The following CLASP1 variants were observed in gnomAD, a reference collection of about 807,000 sequenced individuals.
CLASP1 encodes the protein cytoplasmic linker associated protein 1.
In CLASP1, 38 loss-of-function variants were observed where a neutral mutation model predicts 192.3. That is an observed-to-expected ratio of 0.20 (90% CI 0.15 to 0.26). The LOEUF is 0.26. Ranked by LOEUF, CLASP1 falls within the 10% of genes least tolerant of loss-of-function variation. The pLI is 1.00. For missense variants in CLASP1, 1,433 were observed against 1,932.5 expected (o/e 0.74, Z 4.85); for synonymous variants, 691 against 712.8 (o/e 0.97, Z 0.49).
At chr2:121,360,127 G>A (rs1168966055) in intron 37 of CLASP1, among the ~76,000 whole-genome samples, 1 of 152,192 alleles carries the variant, frequency 6.6e-6, no homozygotes, top group African/African-American at 2.4e-5. Flanking sequence ...GTGTGGTAAC[G>A]TCACGCTGGC....
chr2:121,543,976 A>C (rs1364920566), intron 2 of CLASP1, among the ~76,000 whole-genome samples: 1 of 152,250 alleles, frequency 6.6e-6, no homozygotes, highest in Non-Finnish European at 1.5e-5. Flanking sequence ...CCTACTTTGC[A>C]GATAAGGAAA....
chr2:121,621,533 G>A (rs1229578072), intron 1 of CLASP1, among the ~76,000 whole-genome samples: 1 of 151,938 alleles, frequency 6.6e-6, no homozygotes, highest in Admixed American at 6.6e-5. Context: ...TTTTTGTTGT[G>A]TGGACCTGTA....
chr2:121,646,194 C>A (rs1310940038), intron 1 of CLASP1, among the ~76,000 whole-genome samples: 1 of 152,168 alleles, frequency 6.6e-6, no homozygotes, highest in African/African-American at 2.4e-5. Context: ...CTCACTGTAG[C>A]CTCAGCCTCC....
chr2:121,556,083 A>C (rs1461621344), intron 2 of CLASP1, among the ~76,000 whole-genome samples: 1 of 142,082 alleles, frequency 7.0e-6, no homozygotes, highest in African/African-American at 2.7e-5. Flanking sequence ...TCCCAGGTTC[A>C]AGCAAATTCT....
At chr2:121,426,923 A>G (rs2080493244) in intron 21 of CLASP1, among the ~76,000 whole-genome samples, 3 of 152,082 alleles carry the variant, frequency 2.0e-5, no homozygotes, top group Admixed American at 2.0e-4. Context: ...TAAAATATAA[A>G]GTATACATTT....
At chr2:121,378,158 TAAAAC>T (rs1229660406) in intron 33 of CLASP1, among the ~76,000 whole-genome samples, 1 of 152,022 alleles carries the variant, frequency 6.6e-6, no homozygotes, top group Non-Finnish European at 1.5e-5. Flanking sequence ...AAAACCCTAT[TAAAAC>T]AAAACAAAAC....
At chr2:121,557,828 A>G (rs1271592088) in intron 2 of CLASP1, among the ~76,000 whole-genome samples, 3 of 151,922 alleles carry the variant, frequency 2.0e-5, no homozygotes, top group Non-Finnish European at 4.4e-5. Context: ...CATGCCTGTA[A>G]TCCTAGCACT....
chr2:121,537,156 T>C (rs898392029), intron 2 of CLASP1, among the ~76,000 whole-genome samples: 33 of 151,370 alleles, frequency 2.2e-4, no homozygotes, highest in African/African-American at 7.8e-4. Context: ...ATTTGAGAGG[T>C]CAAGGCAGGC....
At chr2:121,588,702 A>G (rs1576274981) in intron 2 of CLASP1, among the ~76,000 whole-genome samples, 1 of 152,086 alleles carries the variant, frequency 6.6e-6, no homozygotes, top group South Asian at 2.1e-4. Flanking sequence ...TGTGATACAA[A>G]CCCTAACCTC....
At chr2:121,361,013 T>C (rs1460884137) in intron 37 of CLASP1, among the ~76,000 whole-genome samples, 2 of 152,228 alleles carry the variant, frequency 1.3e-5, no homozygotes, top group Admixed American at 1.3e-4. Flanking sequence ...ACCAATTACT[T>C]AATGTTGTTA....
rs546693029 is a variant in CLASP1, at chr2:121,535,651, A to T, written c.196-5326T>A. 1.0e-4 allele frequency among the ~76,000 whole-genome samples: 15 copies of T among 146,320 alleles called. No individual in the cohort carries two copies. The South Asian group carries it at 3.3e-3, about 32-fold the overall frequency. On this transcript the variant is annotated intron_variant, in intron 2 of 39. Transcript: ENST00000263710. The stretch of plus-strand genomic sequence containing the variant: ...AAAGTAACGGCTGACATTCATTAGA[A>T]TTTTTTTTTTTTTTGGAGATAGGAT...
intron 37 of CLASP1, among the ~76,000 whole-genome samples, chr2:121,352,591 C>A (rs535475814): frequency 2.6e-5 from 4 of 152,188 alleles, no homozygotes; most frequent in Middle Eastern, 3.4e-3. Flanking sequence ...TTAGTTGAAT[C>A]CTCTGGCAAA....
rs535872186 is a variant in CLASP1 at position 121,448,172 on chromosome 2, C to T, written c.1741+104G>A. 3.8e-4 allele frequency: 356 copies of T among 946,518 alleles called. 1 individual carries two copies. The East Asian group carries it at 7.3e-3, about 20-fold the overall frequency. 58.6% of individuals were successfully genotyped at this position (946,518 alleles called of 1,614,324 possible). A position where few individuals can be genotyped will look rare whatever the true frequency, so the allele number is the denominator to read the frequency against. On this transcript the variant is annotated intron_variant, in intron 18 of 39. Coordinates refer to ENST00000263710, the Ensembl canonical transcript of CLASP1. ...GGCAACATTCAAGCCTAAGAAGGAA[C>T]TGAGGGCAGGCCGTTGGCCTCCTGT... is the stretch of plus-strand genomic sequence containing the variant.
At chr2:121,580,277 T>C (rs964803794) in intron 2 of CLASP1, among the ~76,000 whole-genome samples, 1 of 152,240 alleles carries the variant, frequency 6.6e-6, no homozygotes, top group South Asian at 2.1e-4. Context: ...CTTTTATTTC[T>C]TCATGTAGCA....
chr2:121,374,515 G>T (rs984947969), intron 34 of CLASP1, among the ~76,000 whole-genome samples: 1 of 152,202 alleles, frequency 6.6e-6, no homozygotes, highest in Non-Finnish European at 1.5e-5. Context: ...ATCCCAGAAC[G>T]GTAGATCCAC....
intron 8 of CLASP1, among the ~76,000 whole-genome samples, chr2:121,494,700 T>C (rs2093455269): frequency 6.6e-6 from 1 of 152,162 alleles, no homozygotes; most frequent in Non-Finnish European, 1.5e-5. Flanking sequence ...CACCCATAAA[T>C]ATATACAACT....
chr2:121,616,014 G>A (rs972240512), intron 1 of CLASP1, among the ~76,000 whole-genome samples: 1 of 152,070 alleles, frequency 6.6e-6, no homozygotes, highest in Admixed American at 6.5e-5. Flanking sequence ...CATGTGGGGC[G>A]TAAGAAGGAG....
chr2:121,430,935 A>C (rs1323552406), intron 19 of CLASP1, among the ~76,000 whole-genome samples: 2 of 152,078 alleles, frequency 1.3e-5, no homozygotes, highest in Non-Finnish European at 2.9e-5. Flanking sequence ...AGAAACACAA[A>C]ATCATTAGTG....
intron 2 of CLASP1, among the ~76,000 whole-genome samples, chr2:121,598,509 T>C (rs1400127092): frequency 1.3e-5 from 2 of 152,226 alleles, no homozygotes; most frequent in East Asian, 1.9e-4. Context: ...AAGCCCAAAA[T>C]AGGTACTATC....
Sources: allele counts gnomAD v4.1 joint callset (sites outside exome capture counted in the v4.1 genomes callset), GRCh38; gene constraint gnomAD v4.1.1; transcripts MANE v1.5; gene names NCBI Gene and HGNC (gene_info 2026-07-23, HGNC 2026-07-21).